The following TENT4B variants were observed in gnomAD, a reference collection of about 807,000 sequenced individuals.
The protein encoded by TENT4B is PAP associated domain containing 5.
Under a neutral mutation model 75.0 loss-of-function variants are expected in TENT4B, and 10 were observed. That is an observed-to-expected ratio of 0.13 (90% CI 0.08 to 0.23). The LOEUF (loss-of-function observed/expected upper bound fraction) is 0.23, where lower values mean the gene tolerates loss of function less well. Among genes scored for constraint, TENT4B ranks in the 10% least tolerant of loss-of-function variants. The probability of loss-of-function intolerance (pLI) is 1.00; values close to 1 mark genes in which losing one functional copy is unlikely to be tolerated. For synonymous variants in TENT4B, 350 were observed against 357.7 expected (o/e 0.98, Z 0.24); for missense variants, 579 against 893.8 (o/e 0.65, Z 4.49).
At chr16:50,201,917 T>C (rs1158401472) in intron 1 of TENT4B, among the ~76,000 whole-genome samples, 1 of 151,326 alleles carries the variant, frequency 6.6e-6, no homozygotes, top group Non-Finnish European at 1.5e-5. Context: ...CTCAGATTGC[T>C]TGAGCTCAGG....
intron 1 of TENT4B, among the ~76,000 whole-genome samples, chr16:50,200,256 C>T (rs1201036135): frequency 6.6e-6 from 1 of 151,426 alleles, no homozygotes; most frequent in East Asian, 1.9e-4. Flanking sequence ...GTCCTAACTG[C>T]TTGGGAGACT....
chr16:50,156,306 T>C (rs1474295925), intron 1 of TENT4B, among the ~76,000 whole-genome samples: 1 of 151,820 alleles, frequency 6.6e-6, no homozygotes, highest in Non-Finnish European at 1.5e-5. Flanking sequence ...TAAGAGTGTC[T>C]GGGTGCTTAG....
At chr16:50,177,210 C>T (rs1271928681) in intron 1 of TENT4B, among the ~76,000 whole-genome samples, 1 of 151,950 alleles carries the variant, frequency 6.6e-6, no homozygotes, top group Non-Finnish European at 1.5e-5. Context: ...ACTATGTGGG[C>T]CAGGCTGGTC....
chr16:50,212,430 A>C (rs1265163135), intron 2 of TENT4B, among the ~76,000 whole-genome samples: 1 of 152,174 alleles, frequency 6.6e-6, no homozygotes, highest in Non-Finnish European at 1.5e-5. Context: ...TTGTGTATGC[A>C]AAGAAGTACA....
At chr16:50,154,414 C>T (rs2037847990) in intron 1 of TENT4B, among the ~76,000 whole-genome samples, 155 bp downstream of exon 1, 1 of 152,104 alleles carries the variant, frequency 6.6e-6, no homozygotes, top group African/African-American at 2.4e-5. Flanking sequence ...ATCCCCAACC[C>T]CCCAGTCGTT....
Position 50,231,210 on chromosome 16 carries a change from G to C in TENT4B, c.*1882G>C, listed in dbSNP as rs2032283105. 4 of 984,976 alleles carry C rather than the reference G, an allele frequency of 4.1e-6. No homozygotes were observed. The South Asian group carries it at 1.9e-4, about 46-fold the overall frequency. The allele number at this position is 984,976 out of a possible 1,614,324, so 61.0% of individuals were successfully genotyped here. ...TATTTTGACAATGTTTTAAATTTTA[G>C]AGTCACATTTTATTCTGATCAGAAT... On this transcript the variant is annotated 3_prime_UTR_variant, in exon 12 of 12. Transcript: ENST00000561678.
In TENT4B at chr16:50,166,600, A is replaced by G. The variant is rs146225805; in HGVS notation, c.638+12341A>G. Reference sequence around the variant, plus strand: ...TTATTTATCTTTTTATTGTTGAGCTATAGGAGTTCTTTATTTTATTTTACT... The same window carrying G: ...TTATTTATCTTTTTATTGTTGAGCTGTAGGAGTTCTTTATTTTATTTTACT... On this transcript the variant is annotated intron_variant, in intron 1 of 11. Transcript: ENST00000561678. Among the ~76,000 whole-genome samples, 1,295 of 151,994 alleles carry G rather than the reference A, an allele frequency of 8.5e-3. 11 individuals carry two copies. The highest frequency in any genetic ancestry group is 0.014 in the Non-Finnish European group (973 of 67,952).
intron 1 of TENT4B, among the ~76,000 whole-genome samples, chr16:50,195,289 A>T (rs1168297707): frequency 6.6e-6 from 1 of 152,160 alleles, no homozygotes; most frequent in Non-Finnish European, 1.5e-5. Flanking sequence ...ACCCCCTCCA[A>T]AGCACAGCTA....
chr16:50,194,505 A>G (rs552564293), intron 1 of TENT4B, among the ~76,000 whole-genome samples: 17 of 150,718 alleles, frequency 1.1e-4, no homozygotes, highest in Admixed American at 1.1e-3. Context: ...ATGAGCCACC[A>G]TGCCTGGCCA....
Position 50,233,683 on chromosome 16 carries a change from T to C in TENT4B, c.*4355T>C. 1.1e-6 allele frequency: 1 copy of C among 938,758 alleles called. No homozygotes were observed. The highest frequency in any genetic ancestry group is 1.2e-6 in the Non-Finnish European group (1 of 804,714). 58.2% of individuals were successfully genotyped at this position (938,758 alleles called of 1,614,324 possible). On this transcript the variant is annotated 3_prime_UTR_variant, in exon 12 of 12. Coordinates refer to ENST00000561678, the MANE Select transcript of TENT4B (RefSeq NM_001365324.3). ...TTTATTTTACTGTCTCTCAGGTTTT[T>C]GGTTTTTTTAAAAAAAATGTGTTTG...
rs190842739 is a variant in TENT4B, at chr16:50,161,534, A to G, written c.638+7275A>G. Among the ~76,000 whole-genome samples the G allele has an allele frequency of 5.3e-5, 8 of 152,360 alleles. No individual in the cohort carries two copies. The East Asian group carries it at 1.5e-3, about 29-fold the overall frequency. ...AAACCTGTGTTTTCAAATTAATGTA[A>G]TAAAAGTTTCAATAAAATGGAAGCC... On this transcript the variant is annotated intron_variant, in intron 1 of 11. Coordinates refer to ENST00000561678, the MANE Select transcript of TENT4B (RefSeq NM_001365324.3).
chr16:50,160,486 G>T (rs1364887816), intron 1 of TENT4B, among the ~76,000 whole-genome samples: 1 of 152,194 alleles, frequency 6.6e-6, no homozygotes, highest in African/African-American at 2.4e-5. Flanking sequence ...AGGAACGGGG[G>T]TGTGTATTAG....
intron 1 of TENT4B, among the ~76,000 whole-genome samples, chr16:50,163,545 G>T (rs977587613): frequency 6.7e-6 from 1 of 150,356 alleles, no homozygotes; most frequent in African/African-American, 2.4e-5. Context: ...GACTACAGGC[G>T]CCCGCCACCA....
chr16:50,228,321 C>T (rs913269526), intron 11 of TENT4B, among the ~76,000 whole-genome samples: 5 of 152,156 alleles, frequency 3.3e-5, no homozygotes, highest in Non-Finnish European at 7.3e-5. Context: ...TGTGAGGCCT[C>T]ATGGCAGTGT....
rs1160015776 is a variant in TENT4B at position 50,231,734 on chromosome 16, G to A, written c.*2406G>A. 1 of 985,678 alleles carries A rather than the reference G, an allele frequency of 1.0e-6. No individual in the cohort carries two copies. Among genetic ancestry groups the A allele is most frequent in the Non-Finnish European group, 1.2e-6 (1 of 829,922 alleles). 61.1% of individuals were successfully genotyped at this position (985,678 alleles called of 1,614,324 possible). ...GAGGTGTGTATACATTTCCTCAAAT[G>A]ACCAGCATTGTATTCGTGAATACTG... On this transcript the variant is annotated 3_prime_UTR_variant, in exon 12 of 12. Coordinates refer to ENST00000561678, the MANE Select transcript of TENT4B (RefSeq NM_001365324.3).
chr16:50,154,908 G>GA (rs1307899595), intron 1 of TENT4B, among the ~76,000 whole-genome samples: 1 of 152,148 alleles, frequency 6.6e-6, no homozygotes, highest in African/African-American at 2.4e-5. Context: ...GGTGGCGTGG[G>GA]ATGGGTGACC....
At chr16:50,204,144 A>G (rs1021398631) in intron 1 of TENT4B, among the ~76,000 whole-genome samples, 7 of 152,296 alleles carry the variant, frequency 4.6e-5, no homozygotes, top group African/African-American at 1.7e-4. Flanking sequence ...CAGATAGGCT[A>G]AGGAAGGGGA....
intron 1 of TENT4B, among the ~76,000 whole-genome samples, chr16:50,157,196 A>G (rs1263692870): frequency 6.6e-6 from 1 of 152,216 alleles, no homozygotes; most frequent in Non-Finnish European, 1.5e-5. Context: ...ACCAGAAAGC[A>G]TGTGAAAATG....
chr16:50,155,385 G>A (rs1290368513), intron 1 of TENT4B, among the ~76,000 whole-genome samples: 3 of 151,012 alleles, frequency 2.0e-5, no homozygotes, highest in African/African-American at 7.3e-5. Context: ...GAGGGCTTTA[G>A]CATGCAAATG....
Sources: gnomAD v4.1 joint callset for allele counts (sites outside exome capture counted in the v4.1 genomes callset) on GRCh38, gnomAD v4.1.1 for gene constraint, MANE v1.5 for transcripts, NCBI Gene and HGNC (gene_info 2026-07-23, HGNC 2026-07-21) for gene names.